TRMT1L: variants seen among roughly 807,000 people sequenced by gnomAD.
The protein encoded by TRMT1L is tRNA (guanine(27)-N(2))-dimethyltransferase.
Under a neutral mutation model 81.6 loss-of-function variants are expected in TRMT1L, and 28 were observed. The observed-to-expected ratio is 0.34, with a 90% CI of 0.25 to 0.47. The LOEUF (loss-of-function observed/expected upper bound fraction) is 0.47. Ranked by LOEUF, TRMT1L falls within the 20% of genes least tolerant of loss-of-function variation. The pLI, the probability that TRMT1L is intolerant of heterozygous loss-of-function variation, is 1.00. For synonymous variants in TRMT1L, 301 were observed against 303.2 expected (o/e 0.99, Z 0.07); for missense variants, 739 against 877.1 (o/e 0.84, Z 1.99).
rs758978266 is a variant in TRMT1L, at chr1:185,125,142, T to C, written c.1593-32A>G. On this transcript the variant is annotated intron_variant, in intron 11 of 14. Coordinates refer to ENST00000367506, the MANE Select transcript of TRMT1L (RefSeq NM_030934.5). ...AGAAAAGAATATACAGAGAACTGGGTTTGAAAAATGTTTCTCTTTAAAAAG... is the reference window on the plus strand; with the variant it reads ...AGAAAAGAATATACAGAGAACTGGGCTTGAAAAATGTTTCTCTTTAAAAAG... The C allele has an allele frequency of 2.0e-6, 3 of 1,518,902 alleles. No homozygotes were observed. The South Asian group carries it at 4.1e-5, about 21-fold the overall frequency. 94.1% of individuals were successfully genotyped at this position (1,518,902 alleles called of 1,614,324 possible).
chr1:185,120,442 T>A lies in TRMT1L; in HGVS notation c.1890A>T (p.Glu630Asp), dbSNP rs776315469. 2.5e-6 allele frequency: 4 copies of A among 1,603,816 alleles called. No homozygotes were observed. The highest frequency in any genetic ancestry group is 1.3e-5 in the African/African-American group (1 of 74,644). The change falls in exon 14 of 15, where the codon GAA becomes GAT. Residue 630 changes from glutamate to aspartate, a missense_variant. Coordinates refer to ENST00000367506, the MANE Select transcript of TRMT1L (RefSeq NM_030934.5). ...GAATGTTGTAATAAAAGGGAGGATG[T>A]TCAGTACTGACATCAGTCTTTTGCT... The part of the protein sequence containing the change: ...GKKQKTDVST[E>D]HPPFYYNIHR...
chr1:185,131,278 C>A (rs1652764133), intron 10 of TRMT1L, among the ~76,000 whole-genome samples: 1 of 152,092 alleles, frequency 6.6e-6, no homozygotes, highest in Non-Finnish European at 1.5e-5. Flanking sequence ...GGATTACAGC[C>A]AAATCCGTTG....
intron 3 of TRMT1L, among the ~76,000 whole-genome samples, chr1:185,148,065 C>A (rs1053760235): frequency 6.6e-6 from 1 of 152,110 alleles, no homozygotes; most frequent in Non-Finnish European, 1.5e-5. Context: ...TCGATCATTT[C>A]TTACTTGTAT....
Position 185,139,295 on chromosome 1 carries a change from G to A in TRMT1L, c.1322+72C>T, listed in dbSNP as rs1403410493. On this transcript the variant is annotated intron_variant, in intron 9 of 14. Transcript: ENST00000367506. ...TTTGTGCATATTTTGAATAAGGTAA[G>A]TACTTCTTGTAATATTATCTCTTTT... 4 of 1,254,712 alleles carry A rather than the reference G, an allele frequency of 3.2e-6. No individual in the cohort carries two copies. The African/African-American group carries it at 6.0e-5, about 19-fold the overall frequency. The allele number at this position is 1,254,712 out of a possible 1,614,324, so 77.7% of individuals were successfully genotyped here.
At chr1:185,127,758 T>G (rs1396065567) in intron 11 of TRMT1L, among the ~76,000 whole-genome samples, 1 of 77,934 alleles carries the variant, frequency 1.3e-5, no homozygotes, top group African/African-American at 5.7e-5. Flanking sequence ...AAACTCTGTC[T>G]CAAAAAAAAA....
rs1652438427 is a variant in TRMT1L, at chr1:185,119,324, C to T, written c.*695G>A. ...CTCTCCTCTTCAGGATTTCAGTGCT[C>T]ATGAACAAGTATTATATTAGATTAA... On this transcript the variant is annotated 3_prime_UTR_variant, in exon 15 of 15. Transcript: ENST00000367506. 6.6e-6 allele frequency: 1 copy of T among 152,080 alleles called. No homozygotes were observed. The highest frequency in any genetic ancestry group is 1.5e-5 in the Non-Finnish European group (1 of 68,006). The allele number at this position is 152,080 out of a possible 1,614,324, so 9.4% of individuals were successfully genotyped here. A position where few individuals can be genotyped will look rare whatever the true frequency, so the allele number is the denominator to read the frequency against.
chr1:185,153,226 A>G (rs920014947), intron 1 of TRMT1L, among the ~76,000 whole-genome samples: 1 of 152,208 alleles, frequency 6.6e-6, no homozygotes, highest in Non-Finnish European at 1.5e-5. Flanking sequence ...GAAATACATG[A>G]ATAAGTCTAA....
At chr1:185,132,351 C>G (rs113575812) in intron 10 of TRMT1L, among the ~76,000 whole-genome samples, 15,062 of 151,518 alleles carry the variant, frequency 0.099, 968 homozygotes, top group East Asian at 0.25. Context: ...GACCCTGTCT[C>G]TACTAAAAAA....
At chr1:185,152,230 A>G (rs1256116618) in intron 1 of TRMT1L, among the ~76,000 whole-genome samples, 1 of 152,228 alleles carries the variant, frequency 6.6e-6, no homozygotes, top group African/African-American at 2.4e-5. Flanking sequence ...CATGTTTTCT[A>G]TCTTCAAAGA....
chr1:185,139,271 T>G lies in TRMT1L; in HGVS notation c.1322+96A>C, dbSNP rs1350354914. The G allele has an allele frequency of 3.2e-6, 3 of 941,782 alleles. No homozygotes were observed. In the East Asian group the frequency reaches 7.9e-5, roughly 25 times the overall value. 58.3% of individuals were successfully genotyped at this position (941,782 alleles called of 1,614,324 possible). On this transcript the variant is annotated intron_variant, in intron 9 of 14. Transcript: ENST00000367506. ...AGATAAGGAATACAGAATTTATATTTTGTGCATATTTTGAATAAGGTAAGT... is the reference window on the plus strand; with the variant it reads ...AGATAAGGAATACAGAATTTATATTGTGTGCATATTTTGAATAAGGTAAGT...
intron 11 of TRMT1L, among the ~76,000 whole-genome samples, chr1:185,127,266 A>G (rs922579600): frequency 7.2e-5 from 11 of 152,254 alleles, no homozygotes; most frequent in African/African-American, 2.2e-4. Flanking sequence ...TAGAAGAACT[A>G]GAAGGTAGGG....
At chr1:185,124,761 C>T (rs753627806) in intron 12 of TRMT1L, 183 bp downstream of exon 12, 2 of 454,682 alleles carry the variant, frequency 4.4e-6, no homozygotes, top group Non-Finnish European at 7.4e-6. Context: ...GGCCTGATTA[C>T]AAGCCTGAAT....
chr1:185,157,362 C>G (rs537830292), upstream of TRMT1L: 31 of 152,674 alleles, frequency 2.0e-4, no homozygotes, highest in Non-Finnish European at 3.7e-4. Flanking sequence ...GGTTCCCCCT[C>G]GTCCCCCGCC....
intron 10 of TRMT1L, among the ~76,000 whole-genome samples, chr1:185,137,125 CA>C (rs1261435491): frequency 3.3e-5 from 5 of 152,136 alleles, no homozygotes; most frequent in African/African-American, 4.8e-5. Flanking sequence ...AGAACTGAAA[CA>C]AACAGAAAGA....
intron 1 of TRMT1L, among the ~76,000 whole-genome samples, chr1:185,154,166 C>T (rs1653433783): frequency 6.6e-6 from 1 of 152,148 alleles, no homozygotes; most frequent in Admixed American, 6.5e-5. Context: ...GACACTCCTG[C>T]TCAAATTTAT....
chr1:185,156,085 T>C (rs547385856), intron 1 of TRMT1L, among the ~76,000 whole-genome samples: 16 of 152,340 alleles, frequency 1.1e-4, no homozygotes, highest in African/African-American at 3.8e-4. Context: ...CGTAAACAGG[T>C]TGCCTCGGTT....
chr1:185,125,376 A>G (rs1652599164), intron 11 of TRMT1L, among the ~76,000 whole-genome samples: 1 of 152,090 alleles, frequency 6.6e-6, no homozygotes, highest in Non-Finnish European at 1.5e-5. Flanking sequence ...CATGTTGCCC[A>G]GGCTGATCTC....
chr1:185,155,256 C>A (rs1244534293), intron 1 of TRMT1L, among the ~76,000 whole-genome samples: 2 of 152,210 alleles, frequency 1.3e-5, no homozygotes, highest in Non-Finnish European at 2.9e-5. Context: ...TGCTGAACCA[C>A]TTCTGACTAA....
upstream of TRMT1L, chr1:185,157,474 T>C (rs1319141836): frequency 2.0e-5 from 3 of 152,634 alleles, no homozygotes; most frequent in Non-Finnish European, 2.9e-5. Flanking sequence ...ACGAGCCAGC[T>C]CCGTGGAGGG....
Sources: gnomAD v4.1 joint callset for allele counts (sites outside exome capture counted in the v4.1 genomes callset) on GRCh38, gnomAD v4.1.1 for gene constraint, MANE v1.5 for transcripts, NCBI Gene and HGNC (gene_info 2026-07-23, HGNC 2026-07-21) for gene names.